SRPK1: variants seen among roughly 807,000 people sequenced by gnomAD.
The protein encoded by SRPK1 is SRSF protein kinase 1.
Under a neutral mutation model 89.5 loss-of-function variants are expected in SRPK1, and 52 were observed. That is an observed-to-expected ratio of 0.58 (90% CI 0.46 to 0.73). The LOEUF is 0.73. Among genes scored for constraint, SRPK1 ranks in the 30% least tolerant of loss-of-function variants. The pLI, the probability that SRPK1 is intolerant of heterozygous loss-of-function variation, is 0.00. For synonymous variants in SRPK1, 255 were observed against 270.2 expected (o/e 0.94, Z 0.55); for missense variants, 603 against 780.6 (o/e 0.77, Z 2.71).
chr6:35,844,418 G>C (rs1356944309), intron 13 of SRPK1, among the ~76,000 whole-genome samples: 1 of 152,088 alleles, frequency 6.6e-6, no homozygotes, highest in Non-Finnish European at 1.5e-5. Flanking sequence ...ACAACCTCAA[G>C]AACTGTAGAG....
chr6:35,887,758 T>G, intron 5 of SRPK1: 1 of 296,198 alleles, frequency 3.4e-6, no homozygotes. Context: ...CTGTAAAACA[T>G]GCTCAGTGAA....
rs761189686 is a variant in SRPK1 at position 35,888,102 on chromosome 6, T to G, written c.312A>C (p.Lys104Asn). ...TTTTAACTACTTTCATTGCCACAAA[T>G]TTCTTCCCCCTAAGAAACAAACACA... is the stretch of plus-strand genomic sequence containing the variant. ...VWLSWDIQGK[K>N]FVAMKVVKSA... is the part of the protein sequence containing the mutation. Residue 104 changes from lysine to asparagine, a missense_variant, in exon 5 of 16, where the codon AAA becomes AAC. Physicochemically the swap from Lys to Asn is moderately conservative, Grantham distance 94. Coordinates refer to ENST00000373825, the MANE Select transcript of SRPK1 (RefSeq NM_003137.5). 6.2e-7 allele frequency: 1 copy of G among 1,605,558 alleles called. No homozygotes were observed. The highest frequency in any genetic ancestry group is 2.2e-5 in the East Asian group (1 of 44,516).
intron 8 of SRPK1, 31 bp downstream of exon 8, chr6:35,872,529 CTAA>C: frequency 6.5e-7 from 1 of 1,539,406 alleles, no homozygotes; most frequent in East Asian, 2.4e-5. Flanking sequence ...TTTTTAACTT[CTAA>C]TGATAGCGAA....
At chr6:35,838,950 TTC>T in intron 14 of SRPK1, 1 of 783,828 alleles carries the variant, frequency 1.3e-6, no homozygotes, top group Non-Finnish European at 1.8e-6. Context: ...CAAGAATTAT[TTC>T]AGGTGGTTGG....
intron 6 of SRPK1, among the ~76,000 whole-genome samples, chr6:35,882,355 C>T (rs1561984540): frequency 6.6e-6 from 1 of 151,786 alleles, no homozygotes; most frequent in East Asian, 1.9e-4. Flanking sequence ...CTTGTTGTGC[C>T]ACCCACACTG....
intron 15 of SRPK1, among the ~76,000 whole-genome samples, chr6:35,837,624 T>G (rs1451791862): frequency 6.6e-6 from 1 of 151,862 alleles, no homozygotes; most frequent in Non-Finnish European, 1.5e-5. Context: ...GTGGCAATCA[T>G]GGCTCACTGC....
chr6:35,853,276 A>C (rs1769595050), intron 13 of SRPK1, among the ~76,000 whole-genome samples: 3 of 152,152 alleles, frequency 2.0e-5, no homozygotes, highest in Admixed American at 1.3e-4. Context: ...ATCCCTAAAA[A>C]ACAAAATGAA....
chr6:35,863,493 GAATA>G (rs1047790812), intron 12 of SRPK1, among the ~76,000 whole-genome samples: 6 of 150,242 alleles, frequency 4.0e-5, no homozygotes, highest in Non-Finnish European at 7.4e-5. Context: ...TTAAATGAAT[GAATA>G]AATAATTTTT....
intron 1 of SRPK1, 138 bp downstream of exon 1, chr6:35,920,906 G>A (rs1771223418): frequency 1.1e-6 from 1 of 914,954 alleles, no homozygotes; most frequent in Non-Finnish European, 1.6e-6. Context: ...CAGGGGGTGT[G>A]GGGCGGCGCC....
At chr6:35,873,958 C>T (rs756352159) in intron 7 of SRPK1, among the ~76,000 whole-genome samples, 35 of 151,830 alleles carry the variant, frequency 2.3e-4, no homozygotes, top group Non-Finnish European at 4.1e-4. Context: ...TCCCGAGTAG[C>T]TTGGGACTAC....
chr6:35,846,931 T>C (rs1769438781), intron 13 of SRPK1, among the ~76,000 whole-genome samples: 3 of 152,100 alleles, frequency 2.0e-5, no homozygotes, highest in Admixed American at 2.0e-4. Flanking sequence ...ATGGAGAAAA[T>C]GCATGTGACA....
Position 35,910,832 on chromosome 6 carries a change from C to T in SRPK1, c.74+9636G>A, listed in dbSNP as rs549804395. Among the ~76,000 whole-genome samples the T allele has an allele frequency of 2.0e-5, 3 of 152,292 alleles. No individual in the cohort carries two copies. In the East Asian group the frequency reaches 5.8e-4, roughly 29 times the overall value. On this transcript the variant is annotated intron_variant, in intron 2 of 15. Transcript: ENST00000373825. ...GTGCTCTATAAATGGAACAACAAAG[C>T]CTAGATGACAGAACATCTGTTTACT...
intron 15 of SRPK1, among the ~76,000 whole-genome samples, chr6:35,836,057 C>A (rs182172775): frequency 2.0e-5 from 3 of 152,124 alleles, no homozygotes; most frequent in African/African-American, 7.2e-5. Context: ...ACCAATACCC[C>A]CTATGGTACC....
In SRPK1 at chr6:35,838,680, C is replaced by A. The variant is rs1280145611; in HGVS notation, c.1691-251G>T. The A allele has an allele frequency of 2.0e-6, 3 of 1,496,888 alleles. No homozygotes were observed. The African/African-American group carries it at 4.2e-5, about 21-fold the overall frequency. The allele number at this position is 1,496,888 out of a possible 1,614,324, so 92.7% of individuals were successfully genotyped here. A position where few individuals can be genotyped will look rare whatever the true frequency, so the allele number is the denominator to read the frequency against. ...GTGAATGCTCTGCTTCCTGAAGTAT[C>A]CCTGGGTCCTACATAACAATACTAC... On this transcript the variant is annotated intron_variant, in intron 14 of 15. Coordinates refer to ENST00000373825, the MANE Select transcript of SRPK1 (RefSeq NM_003137.5).
At chr6:35,868,508 A>G (rs1157851597) in intron 12 of SRPK1, among the ~76,000 whole-genome samples, 1 of 152,210 alleles carries the variant, frequency 6.6e-6, no homozygotes, top group East Asian at 1.9e-4. Flanking sequence ...CATCACAAAG[A>G]GCTGTCAAAA....
chr6:35,882,152 T>C (rs890539067), intron 6 of SRPK1, among the ~76,000 whole-genome samples: 14 of 140,790 alleles, frequency 9.9e-5, no homozygotes, highest in African/African-American at 3.3e-4. Flanking sequence ...GTAGTAGTAG[T>C]AGTAGTAGTA....
At chr6:35,891,150 A>C (rs1050802793) in intron 2 of SRPK1, 137 bp from the exon 3 acceptor site, 3 of 1,017,848 alleles carry the variant, frequency 2.9e-6, no homozygotes, top group African/African-American at 3.3e-5. Context: ...CTAGGAAAAT[A>C]TTAGCTGTAG....
At chr6:35,880,713 C>T (rs1770255188) in intron 6 of SRPK1, among the ~76,000 whole-genome samples, 1 of 21,936 alleles carries the variant, frequency 4.6e-5, no homozygotes, top group African/African-American at 7.5e-4. Context: ...GAGTGAGACT[C>T]CATCTCAAAA....
intron 12 of SRPK1, among the ~76,000 whole-genome samples, chr6:35,858,573 C>G (rs1769714515): frequency 6.6e-6 from 1 of 152,168 alleles, no homozygotes; most frequent in Admixed American, 6.5e-5. Context: ...CAACGACATT[C>G]TGAAAGAAAA....
Sources: allele counts gnomAD v4.1 joint callset (sites outside exome capture counted in the v4.1 genomes callset), GRCh38; gene constraint gnomAD v4.1.1; transcripts MANE v1.5; gene names NCBI Gene and HGNC (gene_info 2026-07-23, HGNC 2026-07-21).